LRP1B: variants seen among roughly 807,000 people sequenced by gnomAD.
The protein encoded by LRP1B is low-density lipoprotein receptor-related protein 1B.
In LRP1B, 217 loss-of-function variants were observed where a neutral mutation model predicts 556.6. That is an observed-to-expected ratio of 0.39 (90% CI 0.35 to 0.44). The LOEUF (loss-of-function observed/expected upper bound fraction) is 0.44. Among genes scored for constraint, LRP1B ranks in the 20% least tolerant of loss-of-function variants. The pLI is 1.00. For synonymous variants in LRP1B, 2,047 were observed against 1,865.8 expected, an observed-to-expected ratio of 1.10 and a Z score of -2.50; for missense variants, 5,053 against 5,620.8, an observed-to-expected ratio of 0.90 and a Z score of 3.23.
chr2:140,292,097 A>G (rs1475448029), intron 84 of LRP1B, among the ~76,000 whole-genome samples: 1 of 152,154 alleles, frequency 6.6e-6, no homozygotes, highest in Non-Finnish European at 1.5e-5. Flanking sequence ...AGTTAGCTGC[A>G]TAAATGTCGG....
chr2:140,351,671 C>T (rs1446136893), intron 76 of LRP1B, among the ~76,000 whole-genome samples: 1 of 150,486 alleles, frequency 6.6e-6, no homozygotes, highest in Admixed American at 6.6e-5. Flanking sequence ...ACAAGTAAAA[C>T]CCTAAAGCAA....
chr2:141,943,291 T>C (rs1490650846), intron 1 of LRP1B, among the ~76,000 whole-genome samples: 1 of 152,186 alleles, frequency 6.6e-6, no homozygotes, highest in Non-Finnish European at 1.5e-5. Context: ...CAAAAATCTG[T>C]ATATATTCCG....
intron 2 of LRP1B, among the ~76,000 whole-genome samples, chr2:141,622,544 T>C (rs908069092): frequency 1.3e-5 from 2 of 152,196 alleles, no homozygotes; most frequent in Non-Finnish European, 2.9e-5. Context: ...CCTCAACTTC[T>C]TGCTATCACA....
chr2:141,966,111 T>C (rs1701558748), intron 1 of LRP1B, among the ~76,000 whole-genome samples: 1 of 151,854 alleles, frequency 6.6e-6, no homozygotes, highest in Non-Finnish European at 1.5e-5. Flanking sequence ...AGGTATTAGA[T>C]TAAGTGGAGC....
chr2:142,076,173 A>G (rs1705495380), intron 1 of LRP1B, among the ~76,000 whole-genome samples: 1 of 152,120 alleles, frequency 6.6e-6, no homozygotes, highest in Non-Finnish European at 1.5e-5. Flanking sequence ...AGGAAGATAT[A>G]TATTCAGTTG....
At chr2:140,869,042 C>G (rs1251583833) in intron 25 of LRP1B, among the ~76,000 whole-genome samples, 1 of 152,020 alleles carries the variant, frequency 6.6e-6, no homozygotes, top group Non-Finnish European at 1.5e-5. Flanking sequence ...CTTACCCACT[C>G]TCTCTTAATT....
At chr2:141,660,169 C>T (rs1558787043) in intron 2 of LRP1B, among the ~76,000 whole-genome samples, 2 of 152,008 alleles carry the variant, frequency 1.3e-5, no homozygotes, top group Non-Finnish European at 2.9e-5. Context: ...GTTGGCGTGA[C>T]CCACAGAGAG....
chr2:140,640,346 T>C (rs1351221293), intron 41 of LRP1B, among the ~76,000 whole-genome samples: 1 of 150,050 alleles, frequency 6.7e-6, no homozygotes, highest in Admixed American at 6.7e-5. Context: ...GATAGCATCA[T>C]TTGCTTTCAT....
intron 15 of LRP1B, among the ~76,000 whole-genome samples, chr2:140,995,991 G>C (rs956486038): frequency 2.6e-5 from 4 of 151,924 alleles, no homozygotes; most frequent in African/African-American, 9.7e-5. Flanking sequence ...ATGTCAAGGA[G>C]AACCAACGTA....
At chr2:141,533,162 A>G (rs1455798419) in intron 2 of LRP1B, among the ~76,000 whole-genome samples, 2 of 152,206 alleles carry the variant, frequency 1.3e-5, no homozygotes, top group Admixed American at 6.5e-5. Context: ...CAAAAATTAA[A>G]ATAAGAATCC....
chr2:141,119,580 T>C (rs1233088165), intron 7 of LRP1B, among the ~76,000 whole-genome samples: 2 of 151,948 alleles, frequency 1.3e-5, no homozygotes, highest in Non-Finnish European at 1.5e-5. Context: ...TCAAGATTAC[T>C]GGATCAAAGT....
chr2:141,933,100 T>C (rs1360751385), intron 1 of LRP1B, among the ~76,000 whole-genome samples: 1 of 152,038 alleles, frequency 6.6e-6, no homozygotes, highest in Non-Finnish European at 1.5e-5. Flanking sequence ...ATTTAATCAA[T>C]ATATCTTTTT....
chr2:141,464,606 A>ATATTTTTTTT lies in LRP1B; in HGVS notation c.343+15789_343+15790insAAAAAAAATA. The stretch of plus-strand genomic sequence containing the variant: ...TTTGTATATATATATATATATATAT[A>ATATTTTTTTT]TTTTTTTAGTAGAGATGGGGTTTCA... On this transcript the variant is annotated intron_variant, in intron 3 of 90. Transcript: ENST00000389484. Among the ~76,000 whole-genome samples the ATATTTTTTTT allele has an allele frequency of 1.3e-3, 119 of 90,522 alleles. 4 individuals carry two copies. Among genetic ancestry groups the ATATTTTTTTT allele is most frequent in the Non-Finnish European group, 2.1e-3 (95 of 45,150 alleles). 59.4% of individuals were successfully genotyped at this position (90,522 alleles called of 152,430 possible).
chr2:140,855,154 T>C (rs1047056703), intron 27 of LRP1B, among the ~76,000 whole-genome samples: 1 of 151,998 alleles, frequency 6.6e-6, no homozygotes, highest in Non-Finnish European at 1.5e-5. Context: ...GATACAATAG[T>C]GGACGAGTTC....
At chr2:141,796,938 G>A (rs1695832710) in intron 2 of LRP1B, among the ~76,000 whole-genome samples, 1 of 151,296 alleles carries the variant, frequency 6.6e-6, no homozygotes, top group African/African-American at 2.4e-5. Context: ...CTTGTTGACA[G>A]TAGTAAAAGA....
Position 140,373,057 on chromosome 2 carries a change from A to T in LRP1B, c.10719T>A (p.Asp3573Glu), listed in dbSNP as rs1310214497. The change falls in exon 69 of 91, where the codon GAT becomes GAA. Residue 3573 changes from aspartate to glutamate, a missense_variant. Physicochemically the swap from Asp to Glu is conservative, Grantham distance 45. This residue lies in a region of LRP1B where 599 missense variants were observed against 648.4 expected (regional missense o/e 0.92). Coordinates refer to ENST00000389484, the MANE Select transcript of LRP1B (RefSeq NM_018557.3). ...GQCIPAKWKC[D>E]GHEDCKYGED... ...CCCCATATTTGCAGTCTTCATGGCC[A>T]TCACATTTCCATTTTGCTGGTATAC... 6.2e-7 allele frequency: 1 copy of T among 1,613,560 alleles called. No individual in the cohort carries two copies. Among genetic ancestry groups the T allele is most frequent in the Non-Finnish European group, 8.5e-7 (1 of 1,179,670 alleles).
rs544432053 is a variant in LRP1B, at chr2:140,574,008, C to T, written c.7194+24623G>A. ...GAAAAAAAGAAAGATTTGAGGATAACGGGAATGTTTCCATTTTTGAAATTA... is the reference window on the plus strand; with the variant it reads ...GAAAAAAAGAAAGATTTGAGGATAATGGGAATGTTTCCATTTTTGAAATTA... On this transcript the variant is annotated intron_variant, in intron 43 of 90. Coordinates refer to ENST00000389484, the MANE Select transcript of LRP1B (RefSeq NM_018557.3). 2.6e-5 allele frequency among the ~76,000 whole-genome samples: 4 copies of T among 152,086 alleles called. 1 individual carries two copies. In the East Asian group the frequency reaches 7.7e-4, roughly 29 times the overall value.
At position 140,526,342 on chromosome 2, in the gene LRP1B, A is replaced by C; in HGVS notation, c.7771T>G (p.Cys2591Gly). 1 of 1,604,878 alleles carries C rather than the reference A, an allele frequency of 6.2e-7. No individual in the cohort carries two copies. The highest frequency in any genetic ancestry group is 1.3e-5 in the African/African-American group (1 of 74,748). The part of the protein sequence containing the change: ...SDELDCKVST[C>G]ATVEFRCADG... ...GCACAGCGGAACTCAACCGTGGCACAGGTTGAAACTAGAAAAACAGGTACA... is the reference window on the plus strand; with the variant it reads ...GCACAGCGGAACTCAACCGTGGCACCGGTTGAAACTAGAAAAACAGGTACA... The change falls in exon 48 of 91, where the codon TGT becomes GGT. Residue 2591 changes from cysteine (C) to glycine (G), a missense_variant. By Grantham distance (159) the Cys-to-Gly change is radical. This residue lies in a region of LRP1B where 3,619 missense variants were observed against 3,931.9 expected (regional missense o/e 0.92). Transcript: ENST00000389484.
At chr2:142,099,103 T>C (rs955528672) in intron 1 of LRP1B, among the ~76,000 whole-genome samples, 7 of 151,818 alleles carry the variant, frequency 4.6e-5, no homozygotes, top group African/African-American at 1.7e-4. Flanking sequence ...ATGGCACAAG[T>C]TGATATCCAG....
Sources: gnomAD v4.1 joint callset for allele counts (sites outside exome capture counted in the v4.1 genomes callset) on GRCh38, gnomAD v4.1.1 for gene constraint, gnomAD v4.1.1 regional missense constraint, MANE v1.5 for transcripts, NCBI Gene and HGNC (gene_info 2026-07-23, HGNC 2026-07-21) for gene names.